The following SNX29 variants were observed in gnomAD, a reference collection of about 807,000 sequenced individuals.
SNX29 encodes the protein sorting nexin 29, also known as sorting nexin-29.
SNX29 carries 78 observed loss-of-function variants against 102.1 expected under a neutral mutation model. The ratio of observed to expected loss-of-function variants is 0.76; its 90% CI spans 0.64 to 0.92. The LOEUF (loss-of-function observed/expected upper bound fraction) is 0.92, where lower values mean the gene tolerates loss of function less well. Among genes scored for constraint, SNX29 ranks in the 40% least tolerant of loss-of-function variants. The probability of loss-of-function intolerance (pLI) is 0.00; values close to 1 mark genes in which losing one functional copy is unlikely to be tolerated. For synonymous variants in SNX29, 580 were observed against 414.5 expected (o/e 1.40, Z -4.85); for missense variants, 1,280 against 1,061.7 (o/e 1.21, Z -2.86).
chr16:12,441,315 C>G (rs535333300), intron 18 of SNX29, among the ~76,000 whole-genome samples: 1 of 152,088 alleles, frequency 6.6e-6, no homozygotes, highest in African/African-American at 2.4e-5. Flanking sequence ...GTACCAATCT[C>G]CTGACCTTGT....
chr16:12,059,750 T>A (rs2050691916), intron 8 of SNX29, among the ~76,000 whole-genome samples: 1 of 152,178 alleles, frequency 6.6e-6, no homozygotes, highest in East Asian at 1.9e-4. Context: ...ATATGTACTC[T>A]CTGGTCTATT....
rs553436832 is a variant in SNX29 at position 11,996,672 on chromosome 16, T to C, written c.8-2625T>C. Among the ~76,000 whole-genome samples the C allele has an allele frequency of 2.7e-3, 405 of 152,310 alleles. 4 individuals are homozygous for C. The highest frequency in any genetic ancestry group is 9.3e-3 in the African/African-American group (385 of 41,582). On this transcript the variant is annotated intron_variant, in intron 1 of 20. Coordinates refer to ENST00000566228, the MANE Select transcript of SNX29 (RefSeq NM_032167.5). The stretch of plus-strand genomic sequence containing the variant: ...GTAGAGCTGTCGGGCTCACTCATAC[T>C]TGGAAAAAGGAAGAAAGCAAGCCTA...
rs114220684 is a variant in SNX29, at chr16:12,318,129, C to T, written c.1783-38034C>T. On this transcript the variant is annotated intron_variant, in intron 15 of 20. Transcript: ENST00000566228. ...GGCCCATTTCACATGTGAGCCCCCA[C>T]GGCTGCAAGAGAGTGAGCTTCTTCC... is the stretch of plus-strand genomic sequence containing the variant. 6.2e-3 allele frequency among the ~76,000 whole-genome samples: 950 copies of T among 152,352 alleles called. 14 individuals carry two copies. Among genetic ancestry groups the T allele is most frequent in the African/African-American group, 0.021 (893 of 41,580 alleles).
intron 11 of SNX29, chr16:12,089,940 C>T: frequency 3.8e-6 from 1 of 266,060 alleles, no homozygotes; most frequent in Non-Finnish European, 7.6e-6. Context: ...AGCGGCCATA[C>T]TCTCAGGCTG....
chr16:12,498,377 G>C (rs1305564888), intron 19 of SNX29, among the ~76,000 whole-genome samples: 1 of 151,954 alleles, frequency 6.6e-6, no homozygotes, highest in Non-Finnish European at 1.5e-5. Flanking sequence ...AAAGTGGCAT[G>C]GTTTTTAAAA....
At chr16:12,547,877 A>G (rs1430111984) in intron 20 of SNX29, among the ~76,000 whole-genome samples, 1 of 152,164 alleles carries the variant, frequency 6.6e-6, no homozygotes, top group Non-Finnish European at 1.5e-5. Context: ...CACTTCCTTC[A>G]GCAGCAGTTC....
chr16:12,269,311 C>A (rs1477541878), intron 14 of SNX29, among the ~76,000 whole-genome samples: 1 of 152,142 alleles, frequency 6.6e-6, no homozygotes, highest in Non-Finnish European at 1.5e-5. Flanking sequence ...TGGGAAATCC[C>A]AGTTAATAGC....
At chr16:12,512,178 C>G (rs1468047983) in intron 19 of SNX29, among the ~76,000 whole-genome samples, 1 of 150,774 alleles carries the variant, frequency 6.6e-6, no homozygotes, top group African/African-American at 2.4e-5. Context: ...TTGCATTGGC[C>G]CCTAAGATTA....
At chr16:11,981,171 T>C (rs899822373) in intron 1 of SNX29, among the ~76,000 whole-genome samples, 2 of 152,114 alleles carry the variant, frequency 1.3e-5, no homozygotes, top group African/African-American at 4.8e-5. Flanking sequence ...GGTTTTGCCA[T>C]GTTGACTGGG....
intron 12 of SNX29, 44 bp from the exon 13 acceptor site, chr16:12,129,586 T>A (rs1025009531): frequency 1.6e-5 from 25 of 1,571,036 alleles, no homozygotes; most frequent in Non-Finnish European, 2.2e-5. Flanking sequence ...CTCAGTGGGG[T>A]CTGGGTTGAC....
At chr16:12,330,651 C>T (rs764330156) in intron 15 of SNX29, among the ~76,000 whole-genome samples, 29 of 152,166 alleles carry the variant, frequency 1.9e-4, no homozygotes, top group African/African-American at 6.0e-4. Flanking sequence ...CGGAGCCAGG[C>T]GGCTGGACCC....
chr16:12,570,897 A>G lies in SNX29; in HGVS notation c.*2268A>G, dbSNP rs2079173826. 3 of 229,274 alleles carry G rather than the reference A, an allele frequency of 1.3e-5. No homozygotes were observed. The highest frequency in any genetic ancestry group is 5.7e-5 in the Admixed American group (1 of 17,478). The allele number at this position is 229,274 out of a possible 1,614,324, so 14.2% of individuals were successfully genotyped here. ...TTTATAATACTGAATTATTCACAAA[A>G]AACCTGGTCTGCTCTCCAAAATGAG... On this transcript the variant is annotated 3_prime_UTR_variant, in exon 21 of 21. Coordinates refer to ENST00000566228, the MANE Select transcript of SNX29 (RefSeq NM_032167.5).
At chr16:12,114,420 G>A (rs537646723) in intron 11 of SNX29, among the ~76,000 whole-genome samples, 3 of 152,210 alleles carry the variant, frequency 2.0e-5, no homozygotes, top group South Asian at 2.1e-4. Flanking sequence ...ATGACATGAT[G>A]GTCTTGAGAA....
intron 16 of SNX29, among the ~76,000 whole-genome samples, chr16:12,364,417 T>TTC (rs202168172): frequency 5.2e-4 from 52 of 99,896 alleles, no homozygotes; most frequent in Non-Finnish European, 5.5e-4. Flanking sequence ...TCTCTTCTTC[T>TTC]TTTTTTTTTT....
At chr16:12,505,786 C>G (rs996918025) in intron 19 of SNX29, among the ~76,000 whole-genome samples, 5 of 44,692 alleles carry the variant, frequency 1.1e-4, no homozygotes, top group Non-Finnish European at 2.5e-4. Context: ...AAAAAAAAGG[C>G]AACTGGGATT....
At chr16:12,032,200 C>CTTTTTTT (rs1303679506) in intron 4 of SNX29, among the ~76,000 whole-genome samples, 2 of 141,338 alleles carry the variant, frequency 1.4e-5, no homozygotes, top group African/African-American at 2.7e-5. Flanking sequence ...TCTTCTTCTT[C>CTTTTTTT]TTCTTTTTTT....
intron 18 of SNX29, among the ~76,000 whole-genome samples, chr16:12,424,140 G>A (rs2084968759): frequency 6.6e-6 from 1 of 152,200 alleles, no homozygotes; most frequent in Non-Finnish European, 1.5e-5. Context: ...GTACTTTTCA[G>A]ATTTCAGAAG....
In SNX29 at chr16:11,976,802, G is replaced by A. The variant is rs1046529425; in HGVS notation, c.-5G>A. The stretch of plus-strand genomic sequence containing the variant: ...GGCGCAGGCACCGGCCCGGGGAGAG[G>A]CACCATGAGCGGTGAGTGGCGGCCC... On this transcript the variant is annotated 5_prime_UTR_variant, in exon 1 of 21. Coordinates refer to ENST00000566228, the MANE Select transcript of SNX29 (RefSeq NM_032167.5). The A allele has an allele frequency of 9.4e-6, 13 of 1,378,308 alleles. No individual in the cohort carries two copies. The highest frequency in any genetic ancestry group is 1.6e-5 in the South Asian group (1 of 62,208). The allele number at this position is 1,378,308 out of a possible 1,614,324, so 85.4% of individuals were successfully genotyped here. A position where few individuals can be genotyped will look rare whatever the true frequency, so the allele number is the denominator to read the frequency against.
intron 3 of SNX29, among the ~76,000 whole-genome samples, chr16:12,011,519 C>G (rs889437487): frequency 9.9e-5 from 15 of 152,128 alleles, no homozygotes; most frequent in African/African-American, 3.6e-4. Flanking sequence ...AGGTGATCCA[C>G]CCTTCTTGGC....
Sources: gnomAD v4.1 joint callset for allele counts (sites outside exome capture counted in the v4.1 genomes callset) on GRCh38, gnomAD v4.1.1 for gene constraint, MANE v1.5 for transcripts, NCBI Gene and HGNC (gene_info 2026-07-23, HGNC 2026-07-21) for gene names.